The following CHD9 variants were observed in gnomAD, a reference collection of about 807,000 sequenced individuals.
CHD9 encodes the protein ATP-dependent chromatin remodeler CHD9.
CHD9 carries 77 observed loss-of-function variants against 316.1 expected under a neutral mutation model. That is an observed-to-expected ratio of 0.24 (90% CI 0.20 to 0.29). The LOEUF is 0.29. Ranked by LOEUF, CHD9 falls within the 10% of genes least tolerant of loss-of-function variation. The pLI, the probability that CHD9 is intolerant of heterozygous loss-of-function variation, is 1.00. For missense variants in CHD9, 2,763 were observed against 3,438.1 expected (o/e 0.80, Z 4.91); for synonymous variants, 1,129 against 1,158.3 (o/e 0.97, Z 0.51).
At position 53,250,050 on chromosome 16, in the gene CHD9, C is replaced by T. The variant is rs1218252504; in HGVS notation, c.3845C>T (p.Pro1282Leu). The change falls in exon 17 of 39, where the codon CCT (proline) becomes CTT (leucine). Residue 1282 changes from proline (P) to leucine (L), a missense_variant. Around this residue, in one of 15 missense-constraint regions of CHD9, gnomAD observed 11 missense variants for 44.2 expected, o/e 0.25. Coordinates refer to ENST00000447540, the MANE Select transcript of CHD9 (RefSeq NM_001308319.2). ...ATAATTTTTGATTCTGATTGGAATCCTCAGAATGATCTTCAGGTAAATAAT... is the reference window on the plus strand; with the variant it reads ...ATAATTTTTGATTCTGATTGGAATCTTCAGAATGATCTTCAGGTAAATAAT... ...TCIIFDSDWN[P>L]QNDLQAQARC... The T allele has an allele frequency of 6.2e-7, 1 of 1,607,918 alleles. No individual in the cohort carries two copies.
At chr16:53,116,221 G>A (rs538282090) in intron 1 of CHD9, among the ~76,000 whole-genome samples, 3 of 152,192 alleles carry the variant, frequency 2.0e-5, no homozygotes, top group East Asian at 1.9e-4. Flanking sequence ...CACTACATCC[G>A]GCTAATTTTT....
At chr16:53,130,371 G>A (rs529279525) in intron 1 of CHD9, among the ~76,000 whole-genome samples, 1 of 152,076 alleles carries the variant, frequency 6.6e-6, no homozygotes, top group African/African-American at 2.4e-5. Context: ...CGGCGGACCC[G>A]AGCTGCCCGA....
At chr16:53,055,434 C>T (rs549768725) in intron 1 of CHD9, among the ~76,000 whole-genome samples, 19 of 152,246 alleles carry the variant, frequency 1.2e-4, no homozygotes, top group Admixed American at 1.1e-3. Context: ...TTAAACTTGT[C>T]TGCCCGTTGG....
chr16:53,106,404 A>C (rs962835201), intron 1 of CHD9, among the ~76,000 whole-genome samples: 1 of 152,234 alleles, frequency 6.6e-6, no homozygotes, highest in Non-Finnish European at 1.5e-5. Context: ...TCAAAGAAGC[A>C]TAGTAAAAGG....
chr16:53,214,537 G>T (rs1013426057), intron 3 of CHD9, among the ~76,000 whole-genome samples: 1 of 151,992 alleles, frequency 6.6e-6, no homozygotes, highest in Admixed American at 6.6e-5. Flanking sequence ...AAGTTCTACG[G>T]TTTTTTTAAA....
chr16:53,255,276 T>G (rs1034916885), intron 18 of CHD9, among the ~76,000 whole-genome samples: 2 of 151,896 alleles, frequency 1.3e-5, no homozygotes, highest in Non-Finnish European at 2.9e-5. Flanking sequence ...ACCACTGCAC[T>G]CTAGCATGGA....
In CHD9 at chr16:53,105,041, G is replaced by A. The variant is rs142502935; in HGVS notation, c.-165+49964G>A. On this transcript the variant is annotated intron_variant, in intron 1 of 38. Transcript: ENST00000447540. ...AAAAAACTGTAGAGATGGAGGTCTC[G>A]CTAATTGCCCAGCCTGGTCTTGAAC... is the stretch of plus-strand genomic sequence containing the variant. 1.3e-3 allele frequency among the ~76,000 whole-genome samples: 197 copies of A among 151,966 alleles called. No homozygotes were observed. The East Asian group carries it at 0.026, about 20-fold the overall frequency.
chr16:53,071,007 G>A (rs2033997865), intron 1 of CHD9, among the ~76,000 whole-genome samples: 1 of 152,092 alleles, frequency 6.6e-6, no homozygotes, highest in Non-Finnish European at 1.5e-5. Flanking sequence ...GAATTTTAGG[G>A]TGGATTTTTC....
chr16:53,138,006 A>T (rs2039844293), intron 1 of CHD9, among the ~76,000 whole-genome samples: 1 of 152,208 alleles, frequency 6.6e-6, no homozygotes, highest in African/African-American at 2.4e-5. Flanking sequence ...TGCACAGAAT[A>T]CTTTGAAATA....
At chr16:53,197,955 G>A (rs1178912434) in intron 2 of CHD9, among the ~76,000 whole-genome samples, 1 of 152,048 alleles carries the variant, frequency 6.6e-6, no homozygotes, top group African/African-American at 2.4e-5. Context: ...ACCATGCCCG[G>A]CCTCCCTAGC....
chr16:53,247,426 C>G lies in CHD9; in HGVS notation c.3588C>G (p.Ala1196=). The change falls in exon 16 of 39, where the codon GCC becomes GCG. Residue 1196 remains alanine, a synonymous_variant. Transcript: ENST00000447540. The part of the protein sequence containing the change: ...LIDKLLPKMK[A]GGHKVLIFSQ... Reference sequence around the variant, plus strand: ...ATAAATTGCTTCCCAAAATGAAAGCCGGAGGTCATAAAGTGCTCATCTTCT... The same window carrying G: ...ATAAATTGCTTCCCAAAATGAAAGCGGGAGGTCATAAAGTGCTCATCTTCT... 1.2e-6 allele frequency: 2 copies of G among 1,608,700 alleles called. No homozygotes were observed. The highest frequency in any genetic ancestry group is 1.7e-6 in the Non-Finnish European group (2 of 1,177,236).
chr16:53,172,686 A>G (rs1159317457), intron 2 of CHD9, among the ~76,000 whole-genome samples: 1 of 152,148 alleles, frequency 6.6e-6, no homozygotes, highest in Non-Finnish European at 1.5e-5. Context: ...TTGATCTGAT[A>G]TGGTCACTGT....
In CHD9 at chr16:53,182,074, A is replaced by G. The variant is rs370536517; in HGVS notation, c.1452+24533A>G. Among the ~76,000 whole-genome samples, 624 of 152,174 alleles carry G rather than the reference A, an allele frequency of 4.1e-3. 4 individuals carry two copies. Among genetic ancestry groups the G allele is most frequent in the African/African-American group, 0.014 (598 of 41,516 alleles). On this transcript the variant is annotated intron_variant, in intron 2 of 38. Coordinates refer to ENST00000447540, the MANE Select transcript of CHD9 (RefSeq NM_001308319.2). ...AGCCTGGGCAACAGAGCAAAACTCC[A>G]TCTCGTATATTTTTACTATGCATGA...
chr16:53,234,413 A>G (rs1167650115), intron 10 of CHD9, among the ~76,000 whole-genome samples: 1 of 152,158 alleles, frequency 6.6e-6, no homozygotes, highest in East Asian at 1.9e-4. Flanking sequence ...TCCTGATCTT[A>G]GGGGGAAAGC....
At chr16:53,119,446 A>G (rs2038571425) in intron 1 of CHD9, among the ~76,000 whole-genome samples, 1 of 152,134 alleles carries the variant, frequency 6.6e-6, no homozygotes, top group South Asian at 2.1e-4. Context: ...GAATTTTGTA[A>G]GCTCTTCCCA....
At position 53,079,232 on chromosome 16, in the gene CHD9, G is replaced by A. The variant is rs78743914; in HGVS notation, c.-165+24155G>A. 2.8e-3 allele frequency among the ~76,000 whole-genome samples: 421 copies of A among 152,256 alleles called. 14 individuals are homozygous for A. The East Asian group carries it at 0.078, about 28-fold the overall frequency. ...TCCACCATTGGCTGTTCATGCCATT[G>A]GGCTCCCAGATTGCTTTCTATTAAA... On this transcript the variant is annotated intron_variant, in intron 1 of 38. Coordinates refer to ENST00000447540, the MANE Select transcript of CHD9 (RefSeq NM_001308319.2).
rs527707013 is a variant in CHD9, at chr16:53,304,386, G to A, written c.6380G>A (p.Gly2127Glu). The change falls in exon 31 of 39, where the codon GGA becomes GAA. Residue 2127 changes from glycine (G) to glutamate (E), a missense_variant. By Grantham distance (98) the Gly-to-Glu change is moderately conservative (BLOSUM62 -2). Transcript: ENST00000447540. ...AAGAAACCAAGAGTCCACAAAAGGG[G>A]ATCAGAATCTAGTTCTGATTCTGAC... ...ASKKPRVHKR[G>E]SESSSDSDSD... 1 of 1,612,748 alleles carries A rather than the reference G, an allele frequency of 6.2e-7. No homozygotes were observed. Among genetic ancestry groups the A allele is most frequent in the Non-Finnish European group, 8.5e-7 (1 of 1,179,384 alleles).
intron 1 of CHD9, among the ~76,000 whole-genome samples, chr16:53,140,466 T>A (rs772087192): frequency 6.6e-6 from 1 of 151,462 alleles, no homozygotes; most frequent in Non-Finnish European, 1.5e-5. Flanking sequence ...TTGGGTGTAA[T>A]GTTCAGGACC....
chr16:53,200,866 G>A (rs1340432006), intron 2 of CHD9, among the ~76,000 whole-genome samples: 1 of 152,174 alleles, frequency 6.6e-6, no homozygotes, highest in Admixed American at 6.5e-5. Flanking sequence ...CTGATATGAT[G>A]TACTGAGAAG....
Sources: gnomAD v4.1 joint callset for allele counts (sites outside exome capture counted in the v4.1 genomes callset) on GRCh38, gnomAD v4.1.1 for gene constraint, gnomAD v4.1.1 regional missense constraint, MANE v1.5 for transcripts, NCBI Gene and HGNC (gene_info 2026-07-23, HGNC 2026-07-21) for gene names.